The following CTNNA1 variants were observed in gnomAD, a reference collection of about 807,000 sequenced individuals.
CTNNA1 encodes catenin alpha 1, also known as catenin alpha-1.
A neutral mutation model predicts 98.4 loss-of-function variants in CTNNA1; 37 were observed. That is an observed-to-expected ratio of 0.38 (90% CI 0.29 to 0.49). The LOEUF (loss-of-function observed/expected upper bound fraction) is 0.49, where lower values mean the gene tolerates loss of function less well. Among genes scored for constraint, CTNNA1 ranks in the 20% least tolerant of loss-of-function variants. CTNNA1 has a pLI of 0.95. For missense variants in CTNNA1, 761 were observed against 1,147.2 expected, an observed-to-expected ratio of 0.66 and a Z score of 4.86; for synonymous variants, 404 against 413.2, an observed-to-expected ratio of 0.98 and a Z score of 0.27.
chr5:138,883,411 C>G (rs911842917), intron 7 of CTNNA1, among the ~76,000 whole-genome samples: 2 of 152,176 alleles, frequency 1.3e-5, no homozygotes, highest in Non-Finnish European at 2.9e-5. Context: ...GCATAAACCT[C>G]TATTTCCTGC....
intron 3 of CTNNA1, among the ~76,000 whole-genome samples, chr5:138,785,209 C>G (rs1328539300): frequency 6.6e-6 from 1 of 150,892 alleles, no homozygotes; most frequent in Non-Finnish European, 1.5e-5. Flanking sequence ...CTACAGGCGC[C>G]CGCCACTACG....
chr5:138,821,807 T>A (rs1760076186), intron 5 of CTNNA1, among the ~76,000 whole-genome samples: 1 of 152,216 alleles, frequency 6.6e-6, no homozygotes, highest in South Asian at 2.1e-4. Flanking sequence ...ACCAAGAGAC[T>A]CTAGTTTTGT....
intron 17 of CTNNA1, chr5:138,932,989 C>T (rs779416123): frequency 7.8e-6 from 6 of 765,508 alleles, no homozygotes; most frequent in Admixed American, 5.1e-5. Context: ...TCCTTGGGAC[C>T]GGGCGTGGTG....
chr5:138,765,601 G>T (rs1752842517), intron 1 of CTNNA1, among the ~76,000 whole-genome samples: 1 of 152,184 alleles, frequency 6.6e-6, no homozygotes, highest in Non-Finnish European at 1.5e-5. Flanking sequence ...AGCCACCATT[G>T]CTAACCCCAG....
intron 1 of CTNNA1, among the ~76,000 whole-genome samples, chr5:138,756,944 A>G (rs1318569992): frequency 2.0e-5 from 3 of 151,990 alleles, no homozygotes; most frequent in African/African-American, 7.2e-5. Flanking sequence ...CATGCCTATA[A>G]TCCTGTTTTT....
At chr5:138,808,559 G>A (rs918015233) in intron 3 of CTNNA1, among the ~76,000 whole-genome samples, 4 of 151,664 alleles carry the variant, frequency 2.6e-5, no homozygotes, top group Non-Finnish European at 4.4e-5. Flanking sequence ...ATTATACAGT[G>A]CTTCTAAGCC....
At position 138,887,566 on chromosome 5, in the gene CTNNA1, C is replaced by A; in HGVS notation, c.1220C>A (p.Ala407Asp). 6.2e-7 allele frequency: 1 copy of A among 1,612,076 alleles called. No homozygotes were observed. The highest frequency in any genetic ancestry group is 8.5e-7 in the Non-Finnish European group (1 of 1,178,758). Residue 407 changes from alanine to aspartate, a missense_variant, in exon 9 of 18, where the codon GCT (alanine) becomes GAT (aspartate). Ala to Asp is a moderately radical substitution (Grantham distance 126). Transcript: ENST00000302763. ...TNVPLLVLIE[A>D]AKNGNEKEVK... is the part of the protein sequence containing the mutation. ...GTTCCACTTTTGGTATTGATTGAAG[C>A]TGCAAAGAATGGAAATGAGAAAGAA...
At chr5:138,754,495 G>A (rs1751406395) in intron 1 of CTNNA1, 1 of 152,158 alleles carries the variant, frequency 6.6e-6, no homozygotes, top group Non-Finnish European at 1.5e-5. Flanking sequence ...GATATGTCAA[G>A]TCTACGACTA....
intron 9 of CTNNA1, among the ~76,000 whole-genome samples, chr5:138,893,097 T>C (rs1177210962): frequency 6.6e-6 from 1 of 152,226 alleles, no homozygotes; most frequent in African/African-American, 2.4e-5. Context: ...ATGATTTCCC[T>C]GAGCCTTTTA....
intron 11 of CTNNA1, among the ~76,000 whole-genome samples, chr5:138,922,955 A>T (rs1297081512): frequency 1.3e-5 from 2 of 151,626 alleles, no homozygotes; most frequent in Admixed American, 1.3e-4. Context: ...CCGTAGAAGT[A>T]TCTAGACAAA....
chr5:138,764,868 CTTTTTTTTTTTTTT>C (rs35354499), intron 1 of CTNNA1, among the ~76,000 whole-genome samples: 1 of 84,940 alleles, frequency 1.2e-5, no homozygotes, highest in Admixed American at 1.7e-4. Context: ...GTATCTCTCT[CTTTTTTTTTTTTTT>C]TTTTTTTTGA....
chr5:138,882,278 G>A (rs1753076013), intron 7 of CTNNA1, among the ~76,000 whole-genome samples: 1 of 152,198 alleles, frequency 6.6e-6, no homozygotes, highest in South Asian at 2.1e-4. Context: ...GTAGGAGTTG[G>A]AAGGAGGGGA....
chr5:138,894,667 G>GATTATGATT (rs1554101579), intron 9 of CTNNA1, among the ~76,000 whole-genome samples: 18 of 151,752 alleles, frequency 1.2e-4, no homozygotes, highest in African/African-American at 4.1e-4. Flanking sequence ...TTATGATTAT[G>GATTATGATT]ATTATGATTA....
At chr5:138,833,144 A>C (rs1761442560) in intron 7 of CTNNA1, among the ~76,000 whole-genome samples, 1 of 152,202 alleles carries the variant, frequency 6.6e-6, no homozygotes, top group African/African-American at 2.4e-5. Flanking sequence ...CCAAATCTGA[A>C]TATACTTAAT....
chr5:138,920,806 C>T (rs994211919), intron 11 of CTNNA1, among the ~76,000 whole-genome samples: 1 of 152,178 alleles, frequency 6.6e-6, no homozygotes, highest in Non-Finnish European at 1.5e-5. Context: ...CTCCTTTGTT[C>T]TGGATATTCT....
At chr5:138,919,591 G>C (rs1444340088) in intron 11 of CTNNA1, among the ~76,000 whole-genome samples, 2 of 152,204 alleles carry the variant, frequency 1.3e-5, no homozygotes, top group African/African-American at 4.8e-5. Context: ...TCTGGTGAGT[G>C]TGTTCAGTTT....
At chr5:138,806,829 T>G (rs1187331167) in intron 3 of CTNNA1, among the ~76,000 whole-genome samples, 5 of 152,092 alleles carry the variant, frequency 3.3e-5, no homozygotes, top group Non-Finnish European at 7.4e-5. Context: ...ACAAAGAGCA[T>G]AAATACTGGC....
intron 10 of CTNNA1, among the ~76,000 whole-genome samples, chr5:138,905,220 G>T (rs997082847): frequency 3.3e-5 from 5 of 151,886 alleles, no homozygotes; most frequent in African/African-American, 1.2e-4. Context: ...AGCCTGGGAG[G>T]CAAAGGTTGC....
intron 9 of CTNNA1, among the ~76,000 whole-genome samples, chr5:138,892,637 C>T (rs532617763): frequency 1.6e-4 from 25 of 151,860 alleles, no homozygotes; most frequent in Admixed American, 2.6e-4. Flanking sequence ...CCACTGTGCC[C>T]GGCCCAGTAA....
Sources: allele counts gnomAD v4.1 joint callset (sites outside exome capture counted in the v4.1 genomes callset), GRCh38; gene constraint gnomAD v4.1.1; transcripts MANE v1.5; gene names NCBI Gene and HGNC (gene_info 2026-07-23, HGNC 2026-07-21).